The following EFEMP2 variants were observed in gnomAD, a reference collection of about 807,000 sequenced individuals.
The protein encoded by EFEMP2 is EGF-containing fibulin-like extracellular matrix protein 2.
Under a neutral mutation model 55.3 loss-of-function variants are expected in EFEMP2, and 21 were observed. That is an observed-to-expected ratio of 0.38 (90% CI 0.27 to 0.55). EFEMP2 has a LOEUF of 0.55. Ranked by LOEUF, EFEMP2 falls within the 20% of genes least tolerant of loss-of-function variation. EFEMP2 has a pLI of 0.77. For synonymous variants in EFEMP2, 275 were observed against 242.3 expected (o/e 1.14, Z -1.25); for missense variants, 513 against 615.1 (o/e 0.83, Z 1.76).
At chr11:65,868,809 G>A (rs1425140633) in intron 7 of EFEMP2, 180 bp from the exon 8 acceptor site, 4 of 763,920 alleles carry the variant, frequency 5.2e-6, no homozygotes, top group Admixed American at 4.5e-5. Flanking sequence ...TGCCCAGGCT[G>A]CCGCAGCTCA....
At chr11:65,867,665 G>A (rs1191254228) in intron 10 of EFEMP2, 196 bp downstream of exon 10, 24 of 652,128 alleles carry the variant, frequency 3.7e-5, no homozygotes, top group East Asian at 3.6e-4. Context: ...TCCCGTGTCC[G>A]AGTGCTTCGT....
chr11:65,867,767 G>C, intron 10 of EFEMP2, 94 bp downstream of exon 10: 1 of 1,388,098 alleles, frequency 7.2e-7, no homozygotes, highest in Non-Finnish European at 1.0e-6. Flanking sequence ...TGGGGGAGGG[G>C]TGGGGCATAG....
In EFEMP2 at chr11:65,872,272, T is replaced by C. The variant is rs1166313027; in HGVS notation, c.83A>G (p.Gln28Arg). ...LLLLLGSASP[Q>R]DSEEPDSYTE... ...GTAGCTGTCGGGCTCTTCAGAATCC[T>C]GAGGAGAAGCTGATCCCAAGAGCAA... The change falls in exon 2 of 11, where the codon CAG becomes CGG. Residue 28 changes from glutamine (Q) to arginine (R), a missense_variant. Coordinates refer to ENST00000307998, the MANE Select transcript of EFEMP2 (RefSeq NM_016938.5). 6.4e-7 allele frequency: 1 copy of C among 1,551,528 alleles called. No homozygotes were observed. Among genetic ancestry groups the C allele is most frequent in the Non-Finnish European group, 8.7e-7 (1 of 1,146,964 alleles).
chr11:65,866,848 T>G lies in EFEMP2; in HGVS notation c.*70A>C. On this transcript the variant is annotated 3_prime_UTR_variant, in exon 11 of 11. Coordinates refer to ENST00000307998, the MANE Select transcript of EFEMP2 (RefSeq NM_016938.5). ...ACTTTCTTTCTCCCTTTATTGCCTT[T>G]CTCATTCTGCCCCTCACAACAGGCT... The G allele has an allele frequency of 6.3e-7, 1 of 1,585,738 alleles. No homozygotes were observed. Among genetic ancestry groups the G allele is most frequent in the Non-Finnish European group, 8.6e-7 (1 of 1,157,076 alleles).
At position 65,870,129 on chromosome 11, in the gene EFEMP2, G is replaced by A. The variant is rs761933157; in HGVS notation, c.599C>T (p.Ser200Phe). Residue 200 changes from serine (S) to phenylalanine (F), a missense_variant, in exon 6 of 11, where the codon TCC becomes TTC. Coordinates refer to ENST00000307998, the MANE Select transcript of EFEMP2 (RefSeq NM_016938.5). ...PGFQLGPNNR[S>F]CVDVNECDMG... ...GCCCAGCCCAGCCTCACCAACACAG[G>A]AGCGGTTGTTAGGCCCCAGCTGGAA... 1 of 1,613,760 alleles carries A rather than the reference G, an allele frequency of 6.2e-7. No individual in the cohort carries two copies. Among genetic ancestry groups the A allele is most frequent in the South Asian group, 1.1e-5 (1 of 91,072 alleles).
chr11:65,867,464 C>T (rs1859873779), intron 10 of EFEMP2: 3 of 429,354 alleles, frequency 7.0e-6, no homozygotes, highest in African/African-American at 4.0e-5. Flanking sequence ...CCTTCTCCTG[C>T]TGAGACCCAT....
chr11:65,869,792 G>A (rs985271912), intron 7 of EFEMP2, 65 bp downstream of exon 7: 8 of 1,607,988 alleles, frequency 5.0e-6, no homozygotes, highest in Non-Finnish European at 5.9e-6. Context: ...TGTGTGGCAG[G>A]AGGCACGGCA....
intron 2 of EFEMP2, 96 bp from the exon 3 acceptor site, chr11:65,872,114 G>A: frequency 1.3e-6 from 2 of 1,520,970 alleles, no homozygotes; most frequent in Non-Finnish European, 1.8e-6. Context: ...CCTCCGGCCT[G>A]CTCCAAACAA....
chr11:65,870,938 C>T, intron 4 of EFEMP2: 1 of 716,528 alleles, frequency 1.4e-6, no homozygotes, highest in Non-Finnish European at 2.4e-6. Context: ...AGACTTCCTG[C>T]AGTGTCTCTG....
chr11:65,870,956 C>T (rs769686265), intron 4 of EFEMP2: 21 of 748,492 alleles, frequency 2.8e-5, no homozygotes, highest in East Asian at 5.4e-5. Context: ...CTGCAGCAAC[C>T]GAGGGGAGGG....
In EFEMP2 at chr11:65,866,843, G is replaced by T. The variant is rs923861102; in HGVS notation, c.*75C>A. 2.6e-6 allele frequency: 4 copies of T among 1,568,282 alleles called. No individual in the cohort carries two copies. In the South Asian group the frequency reaches 4.5e-5, roughly 18 times the overall value. ...CCAGGACTTTCTTTCTCCCTTTATT[G>T]CCTTTCTCATTCTGCCCCTCACAAC... On this transcript the variant is annotated 3_prime_UTR_variant, in exon 11 of 11. Transcript: ENST00000307998.
In EFEMP2 at chr11:65,868,416, CA is replaced by C; in HGVS notation, c.852del (p.Ile284MetfsTer65). On this transcript the variant is annotated frameshift_variant, in exon 9 of 11. Transcript: ENST00000307998. LOFTEE classifies it high-confidence loss of function. ...QLLATRLCQD[I>X]DECESGAHQC... ...TGGTGCGCACCAGACTCACACTCAT[CA>C]ATGTCTGTGCCAGGGGAGAGGGGCT... 6.2e-7 allele frequency: 1 copy of C among 1,613,950 alleles called. No homozygotes were observed. Among genetic ancestry groups the C allele is most frequent in the South Asian group, 1.1e-5 (1 of 91,082 alleles).
chr11:65,872,297 A>G lies in EFEMP2; in HGVS notation c.58T>C (p.Leu20=). Residue 20 remains leucine, a synonymous_variant, in exon 2 of 11, where the codon TTG becomes CTG. Coordinates refer to ENST00000307998, the MANE Select transcript of EFEMP2 (RefSeq NM_016938.5). ...TGAGGAGAAGCTGATCCCAAGAGCA[A>G]CAGTAGCAGCGCCCAGAGCAGTAGA... ...GSLLLWALLL[L]LLGSASPQDS... The G allele has an allele frequency of 6.4e-7, 1 of 1,551,760 alleles. No homozygotes were observed. Among genetic ancestry groups the G allele is most frequent in the Non-Finnish European group, 8.7e-7 (1 of 1,147,022 alleles).
intron 4 of EFEMP2, 109 bp downstream of exon 4, chr11:65,871,048 G>A: frequency 1.6e-6 from 2 of 1,281,984 alleles, no homozygotes; most frequent in Non-Finnish European, 2.2e-6. Flanking sequence ...CTGGATGAGG[G>A]TGTGGACATC....
chr11:65,868,510 C>T lies in EFEMP2; in HGVS notation c.847G>A (p.Asp283Asn), dbSNP rs1859905042. 1 of 1,613,894 alleles carries T rather than the reference C, an allele frequency of 6.2e-7. No homozygotes were observed. The highest frequency in any genetic ancestry group is 8.5e-7 in the Non-Finnish European group (1 of 1,180,038). ...CCCATCCCACCCGGGCAACCTGTAC[C>T]TTGGCAGAGGCGTGTGGCCAGCAGC... ...YQLLATRLCQ[D>N]IDECESGAHQ... The change falls in exon 8 of 11, where the codon GAC becomes AAC. Residue 283 changes from aspartate to asparagine, a missense_variant and splice_region_variant. Physicochemically the swap from Asp to Asn is conservative, Grantham distance 23 (BLOSUM62 1). Coordinates refer to ENST00000307998, the MANE Select transcript of EFEMP2 (RefSeq NM_016938.5).
rs778679269 is a variant in EFEMP2 at position 65,870,012 on chromosome 11, G to A, written c.608-36C>T. 1.7e-5 allele frequency: 28 copies of A among 1,608,086 alleles called. 1 individual carries two copies. The highest frequency in any genetic ancestry group is 3.3e-4 in the Middle Eastern group (2 of 6,054). On this transcript the variant is annotated intron_variant, in intron 6 of 10. Transcript: ENST00000307998. ...CAGGAAAAACAGGAGGGATGAAAGC[G>A]GAGGAGGAGCCCAGAGCCTCCACTC...
chr11:65,868,531 G>A lies in EFEMP2; in HGVS notation c.826C>T (p.Leu276=), dbSNP rs1859905275. 1 of 1,614,080 alleles carries A rather than the reference G, an allele frequency of 6.2e-7. No homozygotes were observed. The highest frequency in any genetic ancestry group is 8.5e-7 in the Non-Finnish European group (1 of 1,180,048). The change falls in exon 8 of 11, where the codon CTG becomes TTG. Residue 276 remains leucine, a synonymous_variant. Transcript: ENST00000307998. ...GTACCTTGGCAGAGGCGTGTGGCCA[G>A]CAGCTGGTAACCCTGTGGGCAGTGG... The part of the protein sequence containing the change: ...SCHCPQGYQL[L]ATRLCQDIDE...
intron 2 of EFEMP2, 47 bp downstream of exon 2, chr11:65,872,196 TC>T (rs1332129695): frequency 6.5e-7 from 1 of 1,529,318 alleles, no homozygotes; most frequent in Non-Finnish European, 8.9e-7. Flanking sequence ...CCCGGTCTCT[TC>T]CTCCCTACCC....
chr11:65,867,920 C>G lies in EFEMP2; in HGVS notation c.1111G>C (p.Gly371Arg). The change falls in exon 10 of 11, where the codon GGT (glycine) becomes CGT (arginine). Residue 371 changes from glycine (G) to arginine (R), a missense_variant. By Grantham distance (125) the Gly-to-Arg change is moderately radical. Transcript: ENST00000307998. Reference protein sequence around the residue: ...FQIQATSVYPGAYNAFQIRAG... With the variant: ...FQIQATSVYPRAYNAFQIRAG... ...CGGATCTGAAAGGCATTGTAGGCACCGGGGTAGACGGAGGTCGCCTGGATC... is the reference window on the plus strand; with the variant it reads ...CGGATCTGAAAGGCATTGTAGGCACGGGGGTAGACGGAGGTCGCCTGGATC... 1 of 1,614,134 alleles carries G rather than the reference C, an allele frequency of 6.2e-7. No individual in the cohort carries two copies. The highest frequency in any genetic ancestry group is 8.5e-7 in the Non-Finnish European group (1 of 1,180,044).
Sources: gnomAD v4.1 joint callset for allele counts on GRCh38, gnomAD v4.1.1 for gene constraint, MANE v1.5 for transcripts, NCBI Gene and HGNC (gene_info 2026-07-23, HGNC 2026-07-21) for gene names.